The following TIMP3 variants were observed in gnomAD, a reference collection of about 807,000 sequenced individuals.
The protein encoded by TIMP3 is metalloproteinase inhibitor 3.
In TIMP3, 11 loss-of-function variants were observed where a neutral mutation model predicts 30.0. The observed-to-expected ratio is 0.37, with a 90% confidence interval of 0.23 to 0.61. The LOEUF is 0.61. Among genes scored for constraint, TIMP3 ranks in the 20% least tolerant of loss-of-function variants. TIMP3 has a pLI of 0.70. For missense variants in TIMP3, 181 were observed against 276.8 expected (o/e 0.65, Z 2.45); for synonymous variants, 112 against 111.3 (o/e 1.01, Z -0.04).
intron 1 of TIMP3, among the ~76,000 whole-genome samples, chr22:32,830,771 G>C (rs747747592): frequency 1.6e-4 from 25 of 152,264 alleles, no homozygotes; most frequent in Admixed American, 7.2e-4. Context: ...TGGACCGTGA[G>C]TGTATCCGCC....
intron 1 of TIMP3, among the ~76,000 whole-genome samples, chr22:32,807,579 G>A (rs1441011638): frequency 6.7e-6 from 1 of 149,530 alleles, no homozygotes; most frequent in East Asian, 1.9e-4. Context: ...AGGGAGGTGT[G>A]CTATTGTCAT....
At chr22:32,803,330 G>A (rs1400339424) in intron 1 of TIMP3, among the ~76,000 whole-genome samples, 2 of 152,210 alleles carry the variant, frequency 1.3e-5, no homozygotes, top group South Asian at 2.1e-4. Flanking sequence ...TTGTGGTGAG[G>A]AGGGGGAGGA....
intron 1 of TIMP3, among the ~76,000 whole-genome samples, chr22:32,805,293 T>C (rs768727014): frequency 5.3e-5 from 8 of 152,160 alleles, no homozygotes; most frequent in Non-Finnish European, 1.2e-4. Context: ...CAAATTGTTC[T>C]GACAGGGGCC....
chr22:32,818,023 C>T (rs1355747672), intron 1 of TIMP3, among the ~76,000 whole-genome samples: 2 of 152,216 alleles, frequency 1.3e-5, no homozygotes, highest in African/African-American at 4.8e-5. Context: ...TTCAGAAATT[C>T]TCCTAAAAGC....
intron 1 of TIMP3, among the ~76,000 whole-genome samples, chr22:32,822,311 G>C (rs1185145344): frequency 6.6e-6 from 1 of 152,150 alleles, no homozygotes; most frequent in East Asian, 1.9e-4. Flanking sequence ...CCCTGCGTGG[G>C]ATGTGCTCCA....
Position 32,801,949 on chromosome 22 carries a change from C to G in TIMP3, c.-53C>G. ...GCAGCAGCCCCGCCGGCGGCGCGCA[C>G]GGCAACTTTGGAGAGGCGAGCAGCA... On this transcript the variant is annotated 5_prime_UTR_variant, in exon 1 of 5. Transcript: ENST00000266085. This position sits in a 1 kb window ranked among gnomAD's most constrained non-coding sequence, Gnocchi z 4.7. 1 of 1,550,748 alleles carries G rather than the reference C, an allele frequency of 6.4e-7. No homozygotes were observed. Among genetic ancestry groups the G allele is most frequent in the Non-Finnish European group, 8.6e-7 (1 of 1,158,012 alleles).
intron 1 of TIMP3, among the ~76,000 whole-genome samples, chr22:32,848,642 A>C (rs1309874552): frequency 6.6e-6 from 1 of 152,230 alleles, no homozygotes; most frequent in African/African-American, 2.4e-5. Flanking sequence ...ACTATGTCCA[A>C]GACAGTATCA....
chr22:32,803,779 G>C (rs938365193), intron 1 of TIMP3, among the ~76,000 whole-genome samples: 1 of 152,198 alleles, frequency 6.6e-6, no homozygotes, highest in African/African-American at 2.4e-5. Context: ...GTGGAATCAG[G>C]GTGTGCAGGG....
At chr22:32,832,673 G>GTATTT (rs564439917) in intron 1 of TIMP3, among the ~76,000 whole-genome samples, 1,728 of 151,554 alleles carry the variant, frequency 0.011, 27 homozygotes, top group African/African-American at 0.034. Context: ...AAACCCTCGA[G>GTATTT]TATTTTATTT....
rs146571327 is a variant in TIMP3, at chr22:32,809,717, G to C, written c.121+7595G>C. On this transcript the variant is annotated intron_variant, in intron 1 of 4. Transcript: ENST00000266085. ...GCTAATATACTAATTAATTATAGCCGAAAGCAAGGACGGTTGGTGTTTTCA... is the reference window on the plus strand; with the variant it reads ...GCTAATATACTAATTAATTATAGCCCAAAGCAAGGACGGTTGGTGTTTTCA... 6.3e-3 allele frequency among the ~76,000 whole-genome samples: 956 copies of C among 152,248 alleles called. 12 individuals carry two copies. The highest frequency in any genetic ancestry group is 0.02 in the African/African-American group (837 of 41,542).
chr22:32,822,110 G>A (rs1254593442), intron 1 of TIMP3, among the ~76,000 whole-genome samples: 3 of 143,574 alleles, frequency 2.1e-5, no homozygotes, highest in Admixed American at 7.4e-5. Context: ...AGCCGAGATC[G>A]CACCATTGCA....
chr22:32,831,998 AG>A (rs2047587642), intron 1 of TIMP3, among the ~76,000 whole-genome samples: 1 of 152,218 alleles, frequency 6.6e-6, no homozygotes, highest in Non-Finnish European at 1.5e-5. Context: ...GTTACAGATC[AG>A]CAATGTCCCA....
chr22:32,812,526 C>T (rs2046943075), intron 1 of TIMP3, among the ~76,000 whole-genome samples: 1 of 152,168 alleles, frequency 6.6e-6, no homozygotes, highest in Non-Finnish European at 1.5e-5. Context: ...AAAATTGAAC[C>T]TCATTAACAC....
At chr22:32,817,958 C>G (rs1054313172) in intron 1 of TIMP3, among the ~76,000 whole-genome samples, 11 of 152,130 alleles carry the variant, frequency 7.2e-5, no homozygotes, top group Non-Finnish European at 1.6e-4. Flanking sequence ...ATCATTTTAC[C>G]GATAGGAGCA....
chr22:32,807,355 A>AAT (rs2046776112), intron 1 of TIMP3, among the ~76,000 whole-genome samples: 3 of 19,912 alleles, frequency 1.5e-4, no homozygotes, highest in Non-Finnish European at 2.9e-4. Context: ...ATAAATATAT[A>AAT]ATATATAATA....
intron 2 of TIMP3, among the ~76,000 whole-genome samples, chr22:32,856,169 G>A (rs1053222181): frequency 7.2e-5 from 11 of 152,230 alleles, no homozygotes; most frequent in African/African-American, 2.4e-4. Flanking sequence ...GAGATATCAT[G>A]AGAATGCTGG....
chr22:32,841,097 G>C (rs1304079625), intron 1 of TIMP3, among the ~76,000 whole-genome samples: 2 of 152,230 alleles, frequency 1.3e-5, no homozygotes, highest in African/African-American at 4.8e-5. Flanking sequence ...ATCACTCTGT[G>C]TGTGGCACTT....
In TIMP3 at chr22:32,860,355, G is replaced by C. The variant is rs886392895; in HGVS notation, c.*978G>C. On this transcript the variant is annotated 3_prime_UTR_variant, in exon 5 of 5. Coordinates refer to ENST00000266085, the MANE Select transcript of TIMP3 (RefSeq NM_000362.5). ...GATACTATTTCCAGAATAGTGTTTA[G>C]CTCACCTAGGGGGATATGTTTGTAT... The C allele has an allele frequency of 1.3e-5, 2 of 152,566 alleles. No individual in the cohort carries two copies. Among genetic ancestry groups the C allele is most frequent in the Non-Finnish European group, 2.9e-5 (2 of 68,022 alleles). The allele number at this position is 152,566 out of a possible 1,614,324, so 9.5% of individuals were successfully genotyped here.
At chr22:32,815,823 A>T (rs2047075198) in intron 1 of TIMP3, among the ~76,000 whole-genome samples, 1 of 152,178 alleles carries the variant, frequency 6.6e-6, no homozygotes, top group Non-Finnish European at 1.5e-5. Context: ...GAGTCCGAGC[A>T]ATCTCACCAA....
Sources: gnomAD v4.1 joint callset for allele counts (sites outside exome capture counted in the v4.1 genomes callset) on GRCh38, gnomAD v4.1.1 for gene constraint, Gnocchi (gnomAD v3.1) non-coding constraint, MANE v1.5 for transcripts, NCBI Gene and HGNC (gene_info 2026-07-23, HGNC 2026-07-21) for gene names.